PHEX: variants seen among roughly 807,000 people sequenced by gnomAD.
PHEX encodes phosphate regulating endopeptidase X-linked, also known as phosphate-regulating neutral endopeptidase PHEX.
Under a neutral mutation model 68.0 loss-of-function variants are expected in PHEX, and 16 were observed. The ratio of observed to expected loss-of-function variants is 0.24; its 90% confidence interval spans 0.16 to 0.36. The LOEUF (loss-of-function observed/expected upper bound fraction) is 0.36. PHEX is among the 10% of genes least tolerant of loss of function. The pLI is 1.00. For synonymous variants in PHEX, 208 were observed against 205.1 expected, an observed-to-expected ratio of 1.01 and a Z score of -0.12; for missense variants, 480 against 575.5, an observed-to-expected ratio of 0.83 and a Z score of 1.70.
intron 20 of PHEX, among the ~76,000 whole-genome samples, chrX:22,242,911 C>G (rs1019957795): frequency 8.9e-6 from 1 of 111,850 alleles, no homozygotes; most frequent in African/African-American, 3.3e-5. Context: ...ACTTTCTTCA[C>G]AGAATTGGAA....
intron 5 of PHEX, among the ~76,000 whole-genome samples, chrX:22,089,899 T>TA (rs1038100037): frequency 2.7e-5 from 3 of 111,252 alleles, no homozygotes; most frequent in Non-Finnish European, 3.8e-5. Flanking sequence ...TCCATTCAAA[T>TA]AAAAAAAAAT....
intron 11 of PHEX, among the ~76,000 whole-genome samples, chrX:22,128,861 A>C (rs1931853221): frequency 4.3e-5 from 4 of 92,687 alleles, no homozygotes; most frequent in South Asian, 7.1e-4. Flanking sequence ...ACCCCCCCCA[A>C]CCCCCGCCCA....
chrX:22,162,939 G>A (rs1933185118), intron 12 of PHEX: 1 of 111,783 alleles, frequency 8.9e-6, no homozygotes, highest in Non-Finnish European at 1.9e-5. Flanking sequence ...AGGAAGAAGA[G>A]GAAAGGCTAA....
chrX:22,250,335 G>T lies in PHEX; in HGVS notation c.*2382G>T, dbSNP rs1256478421. On this transcript the variant is annotated 3_prime_UTR_variant, in exon 22 of 22. Transcript: ENST00000379374. ...CAACTGGAAGGGAAAGAAAAAAGTAGGGAGAAGCTGGCCTATGGATGTGGC... is the reference window on the plus strand; with the variant it reads ...CAACTGGAAGGGAAAGAAAAAAGTATGGAGAAGCTGGCCTATGGATGTGGC... The T allele has an allele frequency of 8.9e-6, 1 of 112,153 alleles. No homozygotes were observed. Among genetic ancestry groups the T allele is most frequent in the Non-Finnish European group, 1.9e-5 (1 of 53,233 alleles). 9.2% of individuals were successfully genotyped at this position (112,153 alleles called of 1,213,427 possible). A position where few individuals can be genotyped will look rare whatever the true frequency, so the allele number is the denominator to read the frequency against.
intron 3 of PHEX, among the ~76,000 whole-genome samples, chrX:22,049,688 C>T (rs934331887): frequency 5.5e-5 from 6 of 108,846 alleles, no homozygotes; most frequent in Admixed American, 2.0e-4. Context: ...CCTAACATAG[C>T]GAAACCCCGG....
intron 12 of PHEX, among the ~76,000 whole-genome samples, chrX:22,136,351 G>A (rs1010554169): frequency 8.1e-5 from 9 of 111,567 alleles, no homozygotes; most frequent in Non-Finnish European, 3.8e-5. Context: ...ATTAAGAAAG[G>A]ATTTGCCTGC....
At chrX:22,129,194 C>T (rs1158836327) in intron 11 of PHEX, among the ~76,000 whole-genome samples, 1 of 111,132 alleles carries the variant, frequency 9.0e-6, no homozygotes, top group East Asian at 2.9e-4. Flanking sequence ...TGATTCACAT[C>T]CCGGGCCAGA....
intron 12 of PHEX, among the ~76,000 whole-genome samples, chrX:22,140,808 T>C (rs1292023586): frequency 8.9e-6 from 1 of 112,334 alleles, no homozygotes; most frequent in East Asian, 2.8e-4. Context: ...ATAAAACACC[T>C]TTAGTGTTTC....
intron 20 of PHEX, among the ~76,000 whole-genome samples, chrX:22,239,069 T>G (rs1421119579): frequency 2.7e-5 from 3 of 112,038 alleles, no homozygotes; most frequent in Non-Finnish European, 3.8e-5. Flanking sequence ...TAGACTTCAC[T>G]GGTGATACCT....
intron 20 of PHEX, among the ~76,000 whole-genome samples, chrX:22,242,649 G>A (rs1374714833): frequency 9.0e-6 from 1 of 111,590 alleles, no homozygotes; most frequent in African/African-American, 3.3e-5. Context: ...CAAACAGAGA[G>A]CCAAATCATG....
chrX:22,111,936 A>T (rs2147062516), intron 10 of PHEX, among the ~76,000 whole-genome samples: 1 of 112,039 alleles, frequency 8.9e-6, no homozygotes, highest in Non-Finnish European at 1.9e-5. Context: ...ACTATCTTTT[A>T]TTCTCAGTAT....
intron 18 of PHEX, among the ~76,000 whole-genome samples, chrX:22,225,359 CCT>C (rs1264627863): frequency 1.8e-5 from 2 of 111,406 alleles, no homozygotes; most frequent in Non-Finnish European, 3.8e-5. Flanking sequence ...GGGGACCATT[CCT>C]CTGTGCCTGA....
In PHEX at chrX:22,077,734, C is replaced by T. The variant is rs750293039; in HGVS notation, c.663+32C>T. 9 of 1,084,815 alleles carry T rather than the reference C, an allele frequency of 8.3e-6. No homozygotes were observed. The Admixed American group carries it at 1.3e-4, about 16-fold the overall frequency. 89.4% of individuals were successfully genotyped at this position (1,084,815 alleles called of 1,213,427 possible). A position where few individuals can be genotyped will look rare whatever the true frequency, so the allele number is the denominator to read the frequency against. On this transcript the variant is annotated intron_variant, in intron 5 of 21. Transcript: ENST00000379374. ...TGAGGACCCATTCATCTTCTTTGCTCAGTCCTAGATTAGCCTTTTGGGGTG... is the reference window on the plus strand; with the variant it reads ...TGAGGACCCATTCATCTTCTTTGCTTAGTCCTAGATTAGCCTTTTGGGGTG...
chrX:22,116,441 C>T (rs769820873), intron 11 of PHEX, among the ~76,000 whole-genome samples: 33 of 111,117 alleles, frequency 3.0e-4, no homozygotes, highest in East Asian at 1.7e-3. Context: ...AATAATAATC[C>T]GTGTAGTCAA....
chrX:22,133,500 C>T, intron 11 of PHEX, 23 bp from the exon 12 acceptor site: 2 of 1,152,255 alleles, frequency 1.7e-6, no homozygotes, highest in Non-Finnish European at 1.2e-6. Flanking sequence ...TTTGACGTTC[C>T]CTCTTTGGGT....
intron 12 of PHEX, among the ~76,000 whole-genome samples, chrX:22,164,993 C>T (rs1053681496): frequency 1.8e-5 from 2 of 112,085 alleles, no homozygotes; most frequent in African/African-American, 3.2e-5. Flanking sequence ...TGACTATGTC[C>T]TACAGCCCTT....
chrX:22,069,259 T>C lies in PHEX; in HGVS notation c.350-7129T>C, dbSNP rs950995287. 2.7e-5 allele frequency among the ~76,000 whole-genome samples: 3 copies of C among 112,553 alleles called. No individual in the cohort carries two copies. In the Admixed American group the frequency reaches 2.8e-4, roughly 11 times the overall value. On this transcript the variant is annotated intron_variant, in intron 3 of 21. Transcript: ENST00000379374. Reference sequence around the variant, plus strand: ...CCTTACATGGAATTATCTGCTAAGATACAAAATATCTAAATAGGAAAGCTA... The same window carrying C: ...CCTTACATGGAATTATCTGCTAAGACACAAAATATCTAAATAGGAAAGCTA...
At chrX:22,040,061 A>T (rs1185831727) in intron 2 of PHEX, among the ~76,000 whole-genome samples, 1 of 111,800 alleles carries the variant, frequency 8.9e-6, no homozygotes, top group Non-Finnish European at 1.9e-5. Context: ...GGGGTCCCAC[A>T]CACAGCTATT....
chrX:22,112,455 A>T (rs1163281956), intron 10 of PHEX, among the ~76,000 whole-genome samples: 1 of 112,270 alleles, frequency 8.9e-6, no homozygotes, highest in African/African-American at 3.2e-5. Flanking sequence ...ATTTAAAGTT[A>T]AGTGAATGGT....
Sources: allele counts gnomAD v4.1 joint callset (sites outside exome capture counted in the v4.1 genomes callset), GRCh38; gene constraint gnomAD v4.1.1; transcripts MANE v1.5; gene names NCBI Gene and HGNC (gene_info 2026-07-23, HGNC 2026-07-21).